SOS2: variants seen among roughly 807,000 people sequenced by gnomAD.
SOS2 encodes the protein son of sevenless homolog 2.
In SOS2, 65 loss-of-function variants were observed where a neutral mutation model predicts 148.2. That is an observed-to-expected ratio of 0.44 (90% CI 0.36 to 0.54). SOS2 has a LOEUF of 0.54. Ranked by LOEUF, SOS2 falls within the 20% of genes least tolerant of loss-of-function variation. The pLI, the probability that SOS2 is intolerant of heterozygous loss-of-function variation, is 0.00. For missense variants in SOS2, 1,341 were observed against 1,590.2 expected (o/e 0.84, Z 2.67); for synonymous variants, 539 against 537.1 (o/e 1.00, Z -0.05).
chr14:50,201,107 T>C (rs368740169), intron 2 of SOS2, 23 bp from the exon 3 acceptor site: 18 of 1,607,884 alleles, frequency 1.1e-5, no homozygotes, highest in Non-Finnish European at 1.2e-5. Context: ...AGCAGAACCA[T>C]TGTAGTATTA....
At chr14:50,147,655 A>G (rs1371115435) in intron 14 of SOS2, among the ~76,000 whole-genome samples, 1 of 152,220 alleles carries the variant, frequency 6.6e-6, no homozygotes. Flanking sequence ...GGGGAAAGAG[A>G]GCAATAAGAT....
chr14:50,128,602 T>C (rs1325921048), intron 21 of SOS2, among the ~76,000 whole-genome samples: 1 of 152,208 alleles, frequency 6.6e-6, no homozygotes, highest in East Asian at 1.9e-4. Context: ...GTAAACATTG[T>C]CTAAAATTAA....
Position 50,226,071 on chromosome 14 carries a change from T to C in SOS2, c.87+5126A>G, listed in dbSNP as rs528604350. Among the ~76,000 whole-genome samples, 5 of 152,004 alleles carry C rather than the reference T, an allele frequency of 3.3e-5. No homozygotes were observed. In the East Asian group the frequency reaches 7.8e-4, roughly 24 times the overall value. On this transcript the variant is annotated intron_variant, in intron 1 of 22. Coordinates refer to ENST00000216373, the MANE Select transcript of SOS2 (RefSeq NM_006939.4). ...TTTCAGATAATTGTTTACTTCCTTA[T>C]TGTCTGTCTCTCTGCCACAGCCACT... is the stretch of plus-strand genomic sequence containing the variant.
At chr14:50,151,792 G>A (rs1445127487) in intron 13 of SOS2, among the ~76,000 whole-genome samples, 2 of 151,980 alleles carry the variant, frequency 1.3e-5, no homozygotes, top group Admixed American at 6.6e-5. Flanking sequence ...TTGCAATTTC[G>A]GGTCACTGCA....
intron 1 of SOS2, among the ~76,000 whole-genome samples, chr14:50,215,665 T>G (rs1887021187): frequency 6.6e-6 from 1 of 152,224 alleles, no homozygotes; most frequent in African/African-American, 2.4e-5. Flanking sequence ...GCATGGCACA[T>G]GTATACATAT....
intron 5 of SOS2, among the ~76,000 whole-genome samples, chr14:50,188,221 G>A (rs1885986558): frequency 6.6e-6 from 1 of 152,062 alleles, no homozygotes; most frequent in Non-Finnish European, 1.5e-5. Context: ...TGGCCAATAT[G>A]AAGAAACCCC....
intron 16 of SOS2, among the ~76,000 whole-genome samples, 154 bp downstream of exon 16, chr14:50,145,016 T>C (rs905182456): frequency 2.0e-5 from 3 of 151,946 alleles, no homozygotes; most frequent in Non-Finnish European, 4.4e-5. Context: ...TTAACTAATA[T>C]ATCAACATAT....
intron 14 of SOS2, among the ~76,000 whole-genome samples, chr14:50,147,818 C>A (rs1884538406): frequency 6.6e-6 from 1 of 152,106 alleles, no homozygotes; most frequent in South Asian, 2.1e-4. Context: ...TACAGTGAGT[C>A]AGAATACACA....
In SOS2 at chr14:50,221,800, T is replaced by C. The variant is rs556052124; in HGVS notation, c.87+9397A>G. Among the ~76,000 whole-genome samples the C allele has an allele frequency of 3.3e-5, 5 of 152,248 alleles. No individual in the cohort carries two copies. In the South Asian group the frequency reaches 1.0e-3, roughly 32 times the overall value. ...CTGCAGTGAGCCATGATCATGCCAC[T>C]GTACTCCAGCCTGGGTGACAGAATG... On this transcript the variant is annotated intron_variant, in intron 1 of 22. Coordinates refer to ENST00000216373, the MANE Select transcript of SOS2 (RefSeq NM_006939.4).
chr14:50,162,359 C>T (rs371540672), intron 8 of SOS2, among the ~76,000 whole-genome samples: 177 of 151,674 alleles, frequency 1.2e-3, no homozygotes, highest in African/African-American at 3.8e-3. Flanking sequence ...TCCCAAACTC[C>T]TGGACTCAAG....
intron 6 of SOS2, among the ~76,000 whole-genome samples, chr14:50,181,827 G>A (rs564727526): frequency 2.0e-5 from 3 of 151,744 alleles, no homozygotes; most frequent in East Asian, 1.9e-4. Context: ...TTTTTACAAT[G>A]AGCTACATTA....
intron 5 of SOS2, among the ~76,000 whole-genome samples, chr14:50,187,992 C>T (rs1885974863): frequency 6.6e-6 from 1 of 152,158 alleles, no homozygotes; most frequent in African/African-American, 2.4e-5. Context: ...TATAAACCTC[C>T]TTCTAATTTT....
chr14:50,129,673 C>T (rs529931441), intron 21 of SOS2, among the ~76,000 whole-genome samples: 2 of 152,348 alleles, frequency 1.3e-5, no homozygotes, highest in African/African-American at 4.8e-5. Context: ...GCGTGAGCCA[C>T]CACACCCGGC....
chr14:50,231,402 G>A lies in SOS2; in HGVS notation c.-119C>T, dbSNP rs534996316. 1.3e-4 allele frequency: 27 copies of A among 210,402 alleles called. No individual in the cohort carries two copies. In the South Asian group the frequency reaches 4.0e-3, roughly 31 times the overall value. 13.0% of individuals were successfully genotyped at this position (210,402 alleles called of 1,614,324 possible). Reference sequence around the variant, plus strand: ...GCCGCCGCCTCCCGCCCGGGCCGAGGCTACGGCCGAGGCGGCTCGGAGGCG... The same window carrying A: ...GCCGCCGCCTCCCGCCCGGGCCGAGACTACGGCCGAGGCGGCTCGGAGGCG... On this transcript the variant is annotated 5_prime_UTR_variant, in exon 1 of 23. Transcript: ENST00000216373.
At chr14:50,222,028 CAG>C (rs906325616) in intron 1 of SOS2, among the ~76,000 whole-genome samples, 2 of 151,730 alleles carry the variant, frequency 1.3e-5, no homozygotes, top group Non-Finnish European at 2.9e-5. Flanking sequence ...AAAAAGTTCA[CAG>C]AGAAAAAAAG....
chr14:50,220,837 A>T (rs1185129548), intron 1 of SOS2, among the ~76,000 whole-genome samples: 1 of 152,208 alleles, frequency 6.6e-6, no homozygotes, highest in Non-Finnish European at 1.5e-5. Flanking sequence ...TTTGTCATCA[A>T]AGTTTTCTTT....
chr14:50,144,835 T>C (rs1884413677), intron 16 of SOS2, among the ~76,000 whole-genome samples: 1 of 152,290 alleles, frequency 6.6e-6, no homozygotes, highest in South Asian at 2.1e-4. Flanking sequence ...TTAAAATCCT[T>C]TGTCATTTGA....
chr14:50,231,626 C>A (rs1887551697), upstream of SOS2: 1 of 156,088 alleles, frequency 6.4e-6, no homozygotes, highest in Admixed American at 6.5e-5. Flanking sequence ...GTCAGGGGTA[C>A]AGCTGGCCCA....
At chr14:50,189,220 A>T (rs1023868465) in intron 4 of SOS2, among the ~76,000 whole-genome samples, 17 of 150,584 alleles carry the variant, frequency 1.1e-4, no homozygotes, top group Admixed American at 2.0e-4. Flanking sequence ...AAAATCGAGT[A>T]TGGCAAAATA....
Sources: allele counts gnomAD v4.1 joint callset (sites outside exome capture counted in the v4.1 genomes callset), GRCh38; gene constraint gnomAD v4.1.1; transcripts MANE v1.5; gene names NCBI Gene and HGNC (gene_info 2026-07-23, HGNC 2026-07-21).